The following SYNDIG1 variants were observed in gnomAD, a reference collection of about 807,000 sequenced individuals.
The protein encoded by SYNDIG1 is synapse differentiation inducing 1, also known as synapse differentiation-inducing gene protein 1.
In SYNDIG1, 9 loss-of-function variants were observed where a neutral mutation model predicts 19.4. The ratio of observed to expected loss-of-function variants is 0.46; its 90% confidence interval spans 0.28 to 0.81. The LOEUF (loss-of-function observed/expected upper bound fraction) is 0.81. Among genes scored for constraint, SYNDIG1 ranks in the 30% least tolerant of loss-of-function variants. The probability of loss-of-function intolerance (pLI) is 0.12; values close to 1 mark genes in which losing one functional copy is unlikely to be tolerated. For missense variants in SYNDIG1, 311 were observed against 343.3 expected, an observed-to-expected ratio of 0.91 and a Z score of 0.74; for synonymous variants, 141 against 145.9, an observed-to-expected ratio of 0.97 and a Z score of 0.24.
chr20:24,479,703 G>A lies in SYNDIG1; in HGVS notation c.-79+9950G>A, dbSNP rs183447925. Among the ~76,000 whole-genome samples, 523 of 152,152 alleles carry A rather than the reference G, an allele frequency of 3.4e-3. 5 individuals are homozygous for A. Among genetic ancestry groups the A allele is most frequent in the African/African-American group, 0.012 (502 of 41,512 alleles). ...TCTCTTGCCAGATCATCTCAGTACC[G>A]TCCTGCAAGCTCTCCCTGCCTGCTG... On this transcript the variant is annotated intron_variant, in intron 1 of 3. Transcript: ENST00000376862.
intron 3 of SYNDIG1, among the ~76,000 whole-genome samples, chr20:24,662,564 C>T (rs2059613999): frequency 6.6e-6 from 1 of 152,154 alleles, no homozygotes; most frequent in African/African-American, 2.4e-5. Context: ...GCTGTTAAGG[C>T]TGTGCCTCTG....
intron 3 of SYNDIG1, among the ~76,000 whole-genome samples, chr20:24,640,936 T>A (rs1270677085): frequency 6.6e-6 from 1 of 152,248 alleles, no homozygotes; most frequent in Non-Finnish European, 1.5e-5. Flanking sequence ...CACTCCAAAG[T>A]GTCCATTCAT....
intron 3 of SYNDIG1, among the ~76,000 whole-genome samples, chr20:24,586,192 T>C (rs2058414756): frequency 1.3e-5 from 2 of 151,956 alleles, no homozygotes; most frequent in Non-Finnish European, 2.9e-5. Flanking sequence ...GCACAAGAAG[T>C]TGGGAAGCTT....
At chr20:24,571,851 A>T (rs1249715598) in intron 2 of SYNDIG1, among the ~76,000 whole-genome samples, 1 of 152,202 alleles carries the variant, frequency 6.6e-6, no homozygotes, top group African/African-American at 2.4e-5. Context: ...GACCCTTCTG[A>T]TCTTAAAGCC....
At chr20:24,625,351 G>C (rs923037749) in intron 3 of SYNDIG1, among the ~76,000 whole-genome samples, 1 of 145,900 alleles carries the variant, frequency 6.9e-6, no homozygotes, top group African/African-American at 2.5e-5. Flanking sequence ...TATCATGAAA[G>C]AAAGACGGGC....
At chr20:24,543,643 G>A in intron 2 of SYNDIG1, 66 bp downstream of exon 2, 2 of 1,546,372 alleles carry the variant, frequency 1.3e-6, no homozygotes, top group Non-Finnish European at 8.7e-7. Context: ...GAGGGCAGGA[G>A]CCATGAATGC....
At chr20:24,557,414 T>C (rs1325855986) in intron 2 of SYNDIG1, among the ~76,000 whole-genome samples, 1 of 152,090 alleles carries the variant, frequency 6.6e-6, no homozygotes, top group Non-Finnish European at 1.5e-5. Context: ...TTCTGCTCTG[T>C]TTTTTTCCCA....
chr20:24,524,576 G>C (rs1271599144), intron 1 of SYNDIG1, among the ~76,000 whole-genome samples: 1 of 151,932 alleles, frequency 6.6e-6, no homozygotes, highest in African/African-American at 2.4e-5. Context: ...AACCCGGGAG[G>C]CGGAGCTTAC....
At chr20:24,505,872 C>T (rs1050767887) in intron 1 of SYNDIG1, among the ~76,000 whole-genome samples, 5 of 152,248 alleles carry the variant, frequency 3.3e-5, no homozygotes, top group African/African-American at 9.6e-5. Context: ...GAAGCATTTT[C>T]AGTTGTCTCA....
chr20:24,554,252 C>G (rs2057765928), intron 2 of SYNDIG1, among the ~76,000 whole-genome samples: 1 of 152,154 alleles, frequency 6.6e-6, no homozygotes, highest in South Asian at 2.1e-4. Context: ...CATCTGCAAA[C>G]AGGGACAATT....
chr20:24,563,562 C>G (rs1033698792), intron 2 of SYNDIG1, among the ~76,000 whole-genome samples: 1 of 152,164 alleles, frequency 6.6e-6, no homozygotes, highest in African/African-American at 2.4e-5. Flanking sequence ...CTTGTTTTCC[C>G]ACACAGGGTT....
chr20:24,500,281 G>T (rs778728853), intron 1 of SYNDIG1, among the ~76,000 whole-genome samples: 2 of 152,142 alleles, frequency 1.3e-5, no homozygotes, highest in Non-Finnish European at 2.9e-5. Flanking sequence ...ATAATTCACA[G>T]AAATCGTTGA....
chr20:24,590,458 C>G (rs1463311769), intron 3 of SYNDIG1, among the ~76,000 whole-genome samples: 1 of 152,036 alleles, frequency 6.6e-6, no homozygotes, highest in Non-Finnish European at 1.5e-5. Context: ...CACATGCTCC[C>G]GGGAGCCTTC....
chr20:24,491,867 C>T (rs867475149), intron 1 of SYNDIG1: 1 of 152,354 alleles, frequency 6.6e-6, no homozygotes, highest in African/African-American at 2.4e-5. Flanking sequence ...AAATGAGGAC[C>T]TTCCATCAGG....
chr20:24,501,678 T>C (rs2056457266), intron 1 of SYNDIG1, among the ~76,000 whole-genome samples: 2 of 152,226 alleles, frequency 1.3e-5, no homozygotes, highest in South Asian at 2.1e-4. Flanking sequence ...AGAATGTCCA[T>C]GTCACAGGGG....
At chr20:24,634,286 A>ATT (rs943765518) in intron 3 of SYNDIG1, among the ~76,000 whole-genome samples, 16 of 152,230 alleles carry the variant, frequency 1.1e-4, no homozygotes, top group Non-Finnish European at 1.8e-4. Flanking sequence ...ATTTTTAATG[A>ATT]TTTTGTAGCA....
chr20:24,586,024 G>A (rs562044871), intron 3 of SYNDIG1, among the ~76,000 whole-genome samples: 1 of 152,326 alleles, frequency 6.6e-6, no homozygotes, highest in African/African-American at 2.4e-5. Context: ...GGGTTTGTTG[G>A]ACGAGTGAGA....
chr20:24,581,240 C>T (rs1296606954), intron 2 of SYNDIG1, among the ~76,000 whole-genome samples: 1 of 152,074 alleles, frequency 6.6e-6, no homozygotes, highest in Non-Finnish European at 1.5e-5. Context: ...GTGTTTTAAC[C>T]TCTTGGAGCC....
chr20:24,567,115 T>C (rs879680557), intron 2 of SYNDIG1, among the ~76,000 whole-genome samples: 1 of 152,128 alleles, frequency 6.6e-6, no homozygotes, highest in Admixed American at 6.5e-5. Context: ...CTCACAGCCA[T>C]GAAAATTCAG....
Sources: allele counts gnomAD v4.1 joint callset (sites outside exome capture counted in the v4.1 genomes callset), GRCh38; gene constraint gnomAD v4.1.1; transcripts MANE v1.5; gene names NCBI Gene and HGNC (gene_info 2026-07-23, HGNC 2026-07-21).